The following DPYD variants were observed in gnomAD, a reference collection of about 807,000 sequenced individuals.
DPYD encodes the protein dihydropyrimidine dehydrogenase [NADP(+)].
In DPYD, 109 loss-of-function variants were observed where a neutral mutation model predicts 116.2. That is an observed-to-expected ratio of 0.94 (90% CI 0.80 to 1.10). The LOEUF (loss-of-function observed/expected upper bound fraction) is 1.10. Among genes scored for constraint, DPYD ranks in the 50% least tolerant of loss-of-function variants. DPYD has a pLI of 0.00. For synonymous variants in DPYD, 440 were observed against 432.0 expected, an observed-to-expected ratio of 1.02 and a Z score of -0.23; for missense variants, 1,302 against 1,254.5, an observed-to-expected ratio of 1.04 and a Z score of -0.57.
At chr1:97,769,220 A>G (rs191213722) in intron 3 of DPYD, among the ~76,000 whole-genome samples, 3 of 152,270 alleles carry the variant, frequency 2.0e-5, no homozygotes, top group African/African-American at 7.2e-5. Flanking sequence ...GAAGGAATAA[A>G]GTATTCTTTG....
At chr1:97,703,353 A>G (rs1661717338) in intron 5 of DPYD, among the ~76,000 whole-genome samples, 1 of 152,042 alleles carries the variant, frequency 6.6e-6, no homozygotes, top group Non-Finnish European at 1.5e-5. Flanking sequence ...GAATTGAACA[A>G]GTCCTTTAAC....
chr1:97,335,384 A>T (rs1669236266), intron 16 of DPYD, among the ~76,000 whole-genome samples: 1 of 151,926 alleles, frequency 6.6e-6, no homozygotes, highest in African/African-American at 2.4e-5. Flanking sequence ...ATCTCAGGAA[A>T]AAGGCAGTCC....
rs76606920 is a variant in DPYD at position 97,284,833 on chromosome 1, C to T, written c.2299+20426G>A. On this transcript the variant is annotated intron_variant, in intron 18 of 22. Coordinates refer to ENST00000370192, the MANE Select transcript of DPYD (RefSeq NM_000110.4). ...AATTTTCCATGATCTCAATTCTGCT[C>T]TGTCACAACAGCAATGTGTATTTTA... Among the ~76,000 whole-genome samples the T allele has an allele frequency of 7.0e-3, 1,068 of 152,240 alleles. 10 individuals are homozygous for T. Among genetic ancestry groups the T allele is most frequent in the African/African-American group, 0.025 (1,027 of 41,522 alleles).
At chr1:97,214,705 T>A (rs1380245575) in intron 19 of DPYD, among the ~76,000 whole-genome samples, 1 of 152,202 alleles carries the variant, frequency 6.6e-6, no homozygotes, top group Non-Finnish European at 1.5e-5. Flanking sequence ...TTTTTTCCTG[T>A]GATGGATTAC....
chr1:97,838,466 CAG>C (rs1008112037), intron 2 of DPYD, among the ~76,000 whole-genome samples: 1 of 152,198 alleles, frequency 6.6e-6, no homozygotes, highest in Admixed American at 6.5e-5. Flanking sequence ...CTGTAATCAA[CAG>C]AGTCAGATTT....
At chr1:97,867,674 C>T (rs556602614) in intron 2 of DPYD, among the ~76,000 whole-genome samples, 5 of 151,866 alleles carry the variant, frequency 3.3e-5, no homozygotes, top group African/African-American at 1.2e-4. Context: ...ACTGAATATC[C>T]TTTCATTATA....
rs369619232 is a variant in DPYD at position 97,315,125 on chromosome 1, A to G, written c.2059-8828T>C. Among the ~76,000 whole-genome samples, 13 of 152,086 alleles carry G rather than the reference A, an allele frequency of 8.5e-5. No homozygotes were observed. In the East Asian group the frequency reaches 1.6e-3, roughly 18 times the overall value. On this transcript the variant is annotated intron_variant, in intron 16 of 22. Coordinates refer to ENST00000370192, the MANE Select transcript of DPYD (RefSeq NM_000110.4). ...TAACTAAGTTCTGAAAACGTCTAAGAAAAATACATGCAGAAGCAGGCAACT... is the reference window on the plus strand; with the variant it reads ...TAACTAAGTTCTGAAAACGTCTAAGGAAAATACATGCAGAAGCAGGCAACT...
intron 19 of DPYD, among the ~76,000 whole-genome samples, chr1:97,195,594 ATGTGTGTGTG>A (rs372624396): frequency 4.6e-5 from 2 of 43,424 alleles, no homozygotes; most frequent in African/African-American, 1.1e-4. Flanking sequence ...ATATATATAT[ATGTGTGTGTG>A]TGTATATATA....
intron 16 of DPYD, among the ~76,000 whole-genome samples, chr1:97,315,352 G>C (rs1357817885): frequency 6.6e-6 from 1 of 151,858 alleles, no homozygotes; most frequent in Non-Finnish European, 1.5e-5. Context: ...TATTTCCGGT[G>C]AATGTGGGAC....
chr1:97,399,795 T>C (rs1319927834), intron 14 of DPYD, among the ~76,000 whole-genome samples: 1 of 152,172 alleles, frequency 6.6e-6, no homozygotes, highest in Non-Finnish European at 1.5e-5. Context: ...TGTACATTGA[T>C]TTTGTATCCT....
chr1:97,205,147 A>G (rs1287773624), intron 19 of DPYD, among the ~76,000 whole-genome samples: 2 of 152,092 alleles, frequency 1.3e-5, no homozygotes, highest in Non-Finnish European at 2.9e-5. Context: ...TTAAAGCACC[A>G]ATATTGATAT....
chr1:97,177,988 T>C (rs972499570), intron 20 of DPYD, among the ~76,000 whole-genome samples: 4 of 152,136 alleles, frequency 2.6e-5, no homozygotes, highest in Non-Finnish European at 5.9e-5. Flanking sequence ...GGGTCCCTTT[T>C]ATAAGGACGC....
chr1:97,432,476 A>G (rs1378395384), intron 14 of DPYD, among the ~76,000 whole-genome samples: 1 of 151,524 alleles, frequency 6.6e-6, no homozygotes, highest in Non-Finnish European at 1.5e-5. Context: ...ATAAAATTCC[A>G]CATCTTTTCA....
intron 13 of DPYD, among the ~76,000 whole-genome samples, chr1:97,452,170 T>A (rs1311235483): frequency 6.6e-6 from 1 of 152,104 alleles, no homozygotes; most frequent in Non-Finnish European, 1.5e-5. Flanking sequence ...TTTGAGAAGT[T>A]TTTCTTTTCT....
chr1:97,910,655 T>A (rs924750236), intron 1 of DPYD, among the ~76,000 whole-genome samples: 1 of 152,032 alleles, frequency 6.6e-6, no homozygotes, highest in Non-Finnish European at 1.5e-5. Flanking sequence ...AATTCCAGAG[T>A]CTATACTCTT....
chr1:97,481,308 C>T (rs917152048), intron 13 of DPYD, among the ~76,000 whole-genome samples: 1 of 151,916 alleles, frequency 6.6e-6, no homozygotes, highest in South Asian at 2.1e-4. Flanking sequence ...TGCTAGAGAT[C>T]GGAGGTAGAG....
chr1:97,145,197 A>AT lies in DPYD; in HGVS notation c.2623-46566dup, dbSNP rs570418351. Among the ~76,000 whole-genome samples the AT allele has an allele frequency of 3.4e-4, 52 of 152,146 alleles. No homozygotes were observed. In the East Asian group the frequency reaches 8.1e-3, roughly 24 times the overall value. ...TGCACATGTTCTAATCTAATGGTTG[A>AT]TTTTTTTTCTCCATGTGCAGCATAT... On this transcript the variant is annotated intron_variant, in intron 20 of 22. Transcript: ENST00000370192.
At chr1:97,768,967 G>GA (rs1267202095) in intron 3 of DPYD, among the ~76,000 whole-genome samples, 3 of 151,172 alleles carry the variant, frequency 2.0e-5, no homozygotes, top group African/African-American at 4.9e-5. Context: ...ACAAAATAAA[G>GA]AAAAAAACAC....
chr1:97,316,658 G>C (rs1449399161), intron 16 of DPYD, among the ~76,000 whole-genome samples: 1 of 151,764 alleles, frequency 6.6e-6, no homozygotes. Context: ...GTCTGCCTTA[G>C]CTTTCATAAT....
Sources: gnomAD v4.1 joint callset for allele counts (sites outside exome capture counted in the v4.1 genomes callset) on GRCh38, gnomAD v4.1.1 for gene constraint, MANE v1.5 for transcripts, NCBI Gene and HGNC (gene_info 2026-07-23, HGNC 2026-07-21) for gene names.